Variants in AFDN observed in about 807,000 individuals in gnomAD.
AFDN encodes the protein afadin, adherens junction formation factor.
In AFDN, 68 loss-of-function variants were observed where a neutral mutation model predicts 216.6. The observed-to-expected ratio is 0.31, with a 90% confidence interval of 0.26 to 0.38. The LOEUF (loss-of-function observed/expected upper bound fraction) is 0.38, where lower values mean the gene tolerates loss of function less well. Among genes scored for constraint, AFDN ranks in the 10% least tolerant of loss-of-function variants. The probability of loss-of-function intolerance (pLI) is 1.00; values close to 1 mark genes in which losing one functional copy is unlikely to be tolerated. For synonymous variants in AFDN, 868 were observed against 853.7 expected, an observed-to-expected ratio of 1.02 and a Z score of -0.29; for missense variants, 2,136 against 2,342.0, an observed-to-expected ratio of 0.91 and a Z score of 1.82.
At chr6:167,900,469 A>G (rs1446431242) in intron 11 of AFDN, among the ~76,000 whole-genome samples, 1 of 152,226 alleles carries the variant, frequency 6.6e-6, no homozygotes, top group Non-Finnish European at 1.5e-5. Flanking sequence ...GGAGCGACCC[A>G]TGATTGTTAC....
chr6:167,878,160 G>A (rs1785624671), intron 5 of AFDN, among the ~76,000 whole-genome samples: 1 of 151,872 alleles, frequency 6.6e-6, no homozygotes, highest in African/African-American at 2.4e-5. Flanking sequence ...GCAGTCTTGT[G>A]AGTAGCGGGG....
chr6:167,870,587 C>G, intron 3 of AFDN, 89 bp downstream of exon 3: 1 of 700,854 alleles, frequency 1.4e-6, no homozygotes, highest in Non-Finnish European at 2.3e-6. Context: ...ACAGGAGTTC[C>G]TTCTCTTTTT....
In AFDN at chr6:167,962,391, G is replaced by A. The variant is rs1797120141; in HGVS notation, c.4834-42G>A. 6.2e-7 allele frequency: 1 copy of A among 1,611,174 alleles called. No homozygotes were observed. Among genetic ancestry groups the A allele is most frequent in the Admixed American group, 1.7e-5 (1 of 59,932 alleles). On this transcript the variant is annotated intron_variant, in intron 30 of 33. Coordinates refer to ENST00000683244, the MANE Select transcript of AFDN (RefSeq NM_001386888.1). This position sits in a 1 kb window ranked among gnomAD's most constrained non-coding sequence, Gnocchi z 5.2. ...ATGTGTGCATTTTATGTCTTGTGCT[G>A]GTGGAGTTTGTGGAGGGAGATTAAT...
intron 9 of AFDN, 119 bp downstream of exon 9, chr6:167,894,025 A>G: frequency 1.4e-6 from 1 of 728,580 alleles, no homozygotes; most frequent in Non-Finnish European, 2.3e-6. Flanking sequence ...TAAATAACCT[A>G]TTTTAAGAAA....
At chr6:167,956,765 T>A (rs73036609) in intron 30 of AFDN, among the ~76,000 whole-genome samples, 2,989 of 152,276 alleles carry the variant, frequency 0.02, 53 homozygotes, top group Non-Finnish European at 0.033. Context: ...CTTTTTTCTC[T>A]GTTCAGAAAC....
At chr6:167,844,861 T>G (rs535061013) in intron 1 of AFDN, among the ~76,000 whole-genome samples, 44 of 145,628 alleles carry the variant, frequency 3.0e-4, no homozygotes, top group East Asian at 2.4e-3. Context: ...TTTTTTTTTT[T>G]TTTTTTTTTG....
At chr6:167,936,041 A>G (rs1793959879) in intron 23 of AFDN, among the ~76,000 whole-genome samples, 2 of 152,222 alleles carry the variant, frequency 1.3e-5, no homozygotes, top group African/African-American at 2.4e-5. Flanking sequence ...TTTTAATACC[A>G]TATTTTATAT....
intron 26 of AFDN, among the ~76,000 whole-genome samples, chr6:167,945,068 C>T (rs1795109525): frequency 6.6e-6 from 1 of 152,034 alleles, no homozygotes; most frequent in South Asian, 2.1e-4. Context: ...CCTTTTGACT[C>T]TTTTGTAGTA....
At chr6:167,928,737 T>G (rs1400928139) in intron 23 of AFDN, among the ~76,000 whole-genome samples, 1 of 152,148 alleles carries the variant, frequency 6.6e-6, no homozygotes, top group Non-Finnish European at 1.5e-5. Context: ...TGTCTTTGCT[T>G]CTTGTTTTTA....
At chr6:167,865,525 A>G (rs997673029) in intron 2 of AFDN, among the ~76,000 whole-genome samples, 1 of 152,096 alleles carries the variant, frequency 6.6e-6, no homozygotes, top group African/African-American at 2.4e-5. Context: ...AGGCAGGAGG[A>G]TCACTTGAGC....
chr6:167,826,692 G>C (rs1779081435), upstream of AFDN: 3 of 441,428 alleles, frequency 6.8e-6, no homozygotes, highest in Non-Finnish European at 1.4e-5. Context: ...GGTACCGCCG[G>C]TTGGGACCCA....
At chr6:167,831,436 T>C (rs762743347) in intron 1 of AFDN, among the ~76,000 whole-genome samples, 16 of 152,368 alleles carry the variant, frequency 1.1e-4, no homozygotes, top group Non-Finnish European at 1.9e-4. Flanking sequence ...TGGTTACGTT[T>C]TATGTTTGAT....
intron 31 of AFDN, chr6:167,963,581 T>C (rs1797247987): frequency 3.8e-6 from 4 of 1,058,262 alleles, no homozygotes; most frequent in Non-Finnish European, 4.6e-6. Context: ...ATGATGTGAC[T>C]TCACTTAAAT....
intron 6 of AFDN, among the ~76,000 whole-genome samples, chr6:167,886,075 A>G (rs916551155): frequency 6.6e-6 from 1 of 152,226 alleles, no homozygotes; most frequent in Non-Finnish European, 1.5e-5. Context: ...TGGTCACAAA[A>G]ATATAGTAAT....
intron 1 of AFDN, among the ~76,000 whole-genome samples, chr6:167,834,502 A>G (rs1450033659): frequency 7.9e-6 from 1 of 126,490 alleles, no homozygotes; most frequent in Non-Finnish European, 1.6e-5. Flanking sequence ...AACGTGATAG[A>G]TGGAACACTG....
At chr6:167,901,895 C>T (rs1308736670) in intron 11 of AFDN, among the ~76,000 whole-genome samples, 1 of 151,734 alleles carries the variant, frequency 6.6e-6, no homozygotes, top group Non-Finnish European at 1.5e-5. Flanking sequence ...GAGTTCGAGA[C>T]CAGCCTGGCC....
At chr6:167,928,751 C>A (rs1458480856) in intron 23 of AFDN, among the ~76,000 whole-genome samples, 1 of 152,188 alleles carries the variant, frequency 6.6e-6, no homozygotes, top group Non-Finnish European at 1.5e-5. Flanking sequence ...GTTTTTAGAT[C>A]CTTGCACTTG....
intron 1 of AFDN, among the ~76,000 whole-genome samples, chr6:167,836,138 A>T (rs1171675677): frequency 6.6e-6 from 1 of 152,234 alleles, no homozygotes; most frequent in East Asian, 1.9e-4. Flanking sequence ...TATTAGAGTG[A>T]TGACCATCAA....
rs1788534964 is a variant in AFDN, at chr6:167,898,327, C to T, written c.1440C>T (p.Thr480=). 6.2e-7 allele frequency: 1 copy of T among 1,614,128 alleles called. No homozygotes were observed. The highest frequency in any genetic ancestry group is 8.5e-7 in the Non-Finnish European group (1 of 1,180,010). ...TGGAAGGCCAGCGCATCTCAGAAAC[C>T]ACCATGCTGCAGAGTGGCATGAAAG... ...TYVEGQRISE[T]TMLQSGMKVQ... is the part of the protein sequence containing the mutation. Residue 480 remains threonine, a synonymous_variant, in exon 11 of 34, where the codon ACC becomes ACT. Transcript: ENST00000683244.
Sources: allele counts gnomAD v4.1 joint callset (sites outside exome capture counted in the v4.1 genomes callset), GRCh38; gene constraint gnomAD v4.1.1; non-coding constraint Gnocchi (gnomAD v3.1); transcripts MANE v1.5; gene names NCBI Gene and HGNC (gene_info 2026-07-23, HGNC 2026-07-21).